Variants in ATOH8 observed in about 807,000 individuals in gnomAD.
The protein encoded by ATOH8 is transcription factor ATOH8.
In ATOH8, 9 loss-of-function variants were observed where a neutral mutation model predicts 21.2. The observed-to-expected ratio is 0.42, with a 90% CI of 0.26 to 0.74. ATOH8 has a LOEUF of 0.74. ATOH8 is among the 30% of genes least tolerant of loss of function. The pLI is 0.24. For synonymous variants in ATOH8, 253 were observed against 224.0 expected (o/e 1.13, Z -1.16); for missense variants, 524 against 470.9 (o/e 1.11, Z -1.04).
At chr2:85,756,056 G>T (rs1339912696) in intron 1 of ATOH8, among the ~76,000 whole-genome samples, 1 of 152,026 alleles carries the variant, frequency 6.6e-6, no homozygotes, top group Non-Finnish European at 1.5e-5. Flanking sequence ...GGGTTGGGGT[G>T]GGGTGGGGCA....
rs1304267237 is a variant in ATOH8, at chr2:85,754,923, C to T, written c.734C>T (p.Thr245Ile). The change falls in exon 1 of 3, where the codon ACC becomes ATC. Residue 245 changes from threonine to isoleucine, a missense_variant. By Grantham distance (89) the Thr-to-Ile change is moderately conservative. Coordinates refer to ENST00000306279, the MANE Select transcript of ATOH8 (RefSeq NM_032827.7). Reference protein sequence around the residue: ...ANARERTRVHTISAAFEALRK... With the variant: ...ANARERTRVHIISAAFEALRK... ...GCCAGGGAGCGGACGCGGGTGCACA[C>T]CATCAGCGCAGCCTTCGAGGCGCTC... The T allele has an allele frequency of 5.6e-6, 9 of 1,606,504 alleles. No individual in the cohort carries two copies. The highest frequency in any genetic ancestry group is 7.6e-6 in the Non-Finnish European group (9 of 1,179,010).
intron 2 of ATOH8, among the ~76,000 whole-genome samples, chr2:85,767,562 T>TCCCCTTCCC (rs1288177168): frequency 9.7e-5 from 2 of 20,552 alleles, no homozygotes; most frequent in African/African-American, 2.0e-4. Context: ...GTATTCCCTC[T>TCCCCTTCCC]TCCCCTCCCC....
rs1348150074 is a variant in ATOH8, at chr2:85,789,264, C to T, written c.*2374C>T. On this transcript the variant is annotated 3_prime_UTR_variant, in exon 3 of 3. Transcript: ENST00000306279. ...TTCATTCTGAAGCATCATTGATGAC[C>T]AGCTGCCTGTCAGACACTAAGATAG... Among the ~76,000 whole-genome samples, 1 of 152,138 alleles carries T rather than the reference C, an allele frequency of 6.6e-6. No individual in the cohort carries two copies. The highest frequency in any genetic ancestry group is 2.4e-5 in the African/African-American group (1 of 41,428).
chr2:85,767,365 C>A (rs1228861000), intron 2 of ATOH8, among the ~76,000 whole-genome samples: 1 of 151,890 alleles, frequency 6.6e-6, no homozygotes, highest in African/African-American at 2.4e-5. Flanking sequence ...CTCAGTCCTG[C>A]CACACCACAG....
Position 85,785,709 on chromosome 2 carries a change from C to A in ATOH8, c.961-1176C>A, listed in dbSNP as rs1018875145. Reference sequence around the variant, plus strand: ...ATTCAAATCCTGGCACTGGCAACTTCTAGCACTTCCTTCTCGGAGCCTGGG... The same window carrying A: ...ATTCAAATCCTGGCACTGGCAACTTATAGCACTTCCTTCTCGGAGCCTGGG... On this transcript the variant is annotated intron_variant, in intron 2 of 2. Transcript: ENST00000306279. This position sits in a 1 kb window ranked among gnomAD's most constrained non-coding sequence, Gnocchi z 4.1. Among the ~76,000 whole-genome samples the A allele has an allele frequency of 6.6e-6, 1 of 152,324 alleles. No homozygotes were observed. Among genetic ancestry groups the A allele is most frequent in the African/African-American group, 2.4e-5 (1 of 41,578 alleles).
intron 2 of ATOH8, among the ~76,000 whole-genome samples, chr2:85,778,581 C>T (rs920115519): frequency 1.3e-5 from 2 of 152,210 alleles, no homozygotes; most frequent in Non-Finnish European, 2.9e-5. Flanking sequence ...TATCCACAGC[C>T]GGGCTCCGTC....
intron 2 of ATOH8, among the ~76,000 whole-genome samples, chr2:85,779,728 C>T (rs926369349): frequency 2.0e-5 from 3 of 152,220 alleles, no homozygotes; most frequent in African/African-American, 7.2e-5. Flanking sequence ...GTGAGGTCAC[C>T]ACTCAGGCCT....
At chr2:85,755,024 G>T in intron 1 of ATOH8, 67 bp downstream of exon 1, 2 of 1,489,714 alleles carry the variant, frequency 1.3e-6, no homozygotes, top group Non-Finnish European at 1.8e-6. Flanking sequence ...TGGGCGAGTG[G>T]CCGGGGCGGG....
At chr2:85,775,980 G>A (rs879539784) in intron 2 of ATOH8, among the ~76,000 whole-genome samples, 17 of 152,238 alleles carry the variant, frequency 1.1e-4, no homozygotes, top group African/African-American at 7.2e-5. Context: ...TCAGGTGACA[G>A]TGCTGAGGTT....
At chr2:85,755,139 T>C (rs1386995321) in intron 1 of ATOH8, among the ~76,000 whole-genome samples, 182 bp downstream of exon 1, 1 of 152,204 alleles carries the variant, frequency 6.6e-6, no homozygotes, top group African/African-American at 2.4e-5. Flanking sequence ...AAAGTGGCTA[T>C]AAGAGTTGGT....
intron 1 of ATOH8, among the ~76,000 whole-genome samples, chr2:85,759,852 A>C (rs1246437721): frequency 6.6e-6 from 1 of 151,890 alleles, no homozygotes; most frequent in African/African-American, 2.4e-5. Flanking sequence ...TTGGCACAGA[A>C]GCAGGAGCAT....
intron 1 of ATOH8, among the ~76,000 whole-genome samples, chr2:85,763,260 A>G (rs1679915744): frequency 6.6e-6 from 1 of 152,156 alleles, no homozygotes; most frequent in Non-Finnish European, 1.5e-5. Flanking sequence ...TTAAAAATTA[A>G]AGGCTCCATC....
chr2:85,756,137 CAA>C (rs939834827), intron 1 of ATOH8, among the ~76,000 whole-genome samples: 1 of 117,902 alleles, frequency 8.5e-6, no homozygotes, highest in African/African-American at 3.3e-5. Flanking sequence ...ACTTTTGAGC[CAA>C]AGTGTCTTGC....
intron 1 of ATOH8, among the ~76,000 whole-genome samples, chr2:85,757,471 C>T (rs545720042): frequency 5.3e-5 from 8 of 152,358 alleles, no homozygotes; most frequent in East Asian, 3.9e-4. Context: ...CAGATCAGCT[C>T]CGCCTGAAAT....
At position 85,754,831 on chromosome 2, in the gene ATOH8, G is replaced by T. The variant is rs778650050; in HGVS notation, c.642G>T (p.Pro214=). The change falls in exon 1 of 3, where the codon CCG becomes CCT. Residue 214 remains proline (P), a synonymous_variant. Transcript: ENST00000306279. ...QDSSASPRKR[P]GEATAASSEI... The stretch of plus-strand genomic sequence containing the variant: ...CCTCCGCGTCGCCTAGGAAACGACC[G>T]GGCGAAGCGACTGCCGCCTCCTCCG... 2 of 1,612,652 alleles carry T rather than the reference G, an allele frequency of 1.2e-6. No individual in the cohort carries two copies. Among genetic ancestry groups the T allele is most frequent in the African/African-American group, 1.3e-5 (1 of 75,050 alleles).
intron 2 of ATOH8, chr2:85,774,499 A>G: frequency 1.0e-6 from 1 of 985,458 alleles, no homozygotes; most frequent in Non-Finnish European, 1.2e-6. Flanking sequence ...AAGTGTTTCT[A>G]GAGGGTGAAG....
chr2:85,754,338 C>G lies in ATOH8; in HGVS notation c.149C>G (p.Pro50Arg). 1 of 1,608,322 alleles carries G rather than the reference C, an allele frequency of 6.2e-7. No individual in the cohort carries two copies. Among genetic ancestry groups the G allele is most frequent in the Non-Finnish European group, 8.5e-7 (1 of 1,178,154 alleles). Residue 50 changes from proline (P) to arginine (R), a missense_variant, in exon 1 of 3, where the codon CCC becomes CGC. Pro to Arg is a moderately radical substitution (Grantham distance 103, BLOSUM62 -2). Coordinates refer to ENST00000306279, the MANE Select transcript of ATOH8 (RefSeq NM_032827.7). Reference sequence around the variant, plus strand: ...ACTTTCCGACTGGACTTGGAAGCGCCCGAGCCCCGCGCCGTAGCCACCAAC... The same window carrying G: ...ACTTTCCGACTGGACTTGGAAGCGCGCGAGCCCCGCGCCGTAGCCACCAAC... ...YKTFRLDLEA[P>R]EPRAVATNGL...
chr2:85,757,450 T>C lies in ATOH8; in HGVS notation c.768+2493T>C, dbSNP rs74536740. On this transcript the variant is annotated intron_variant, in intron 1 of 2. Coordinates refer to ENST00000306279, the MANE Select transcript of ATOH8 (RefSeq NM_032827.7). ...CCTGACTGAAATGGGTCCTTGGAAA[T>C]GGACAAAAGGCAGATCAGCTCCGCC... 9.3e-4 allele frequency among the ~76,000 whole-genome samples: 141 copies of C among 152,308 alleles called. No individual in the cohort carries two copies. The East Asian group carries it at 0.025, about 27-fold the overall frequency.
intron 2 of ATOH8, among the ~76,000 whole-genome samples, chr2:85,770,397 T>TA (rs1326505975): frequency 6.0e-5 from 9 of 150,692 alleles, no homozygotes; most frequent in Admixed American, 4.6e-4. Flanking sequence ...TTAAGTTAAA[T>TA]ACCATCTGCT....
Sources: gnomAD v4.1 joint callset for allele counts (sites outside exome capture counted in the v4.1 genomes callset) on GRCh38, gnomAD v4.1.1 for gene constraint, Gnocchi (gnomAD v3.1) non-coding constraint, MANE v1.5 for transcripts, NCBI Gene and HGNC (gene_info 2026-07-23, HGNC 2026-07-21) for gene names.